Variants in HID1 observed in about 807,000 individuals in gnomAD.
The protein encoded by HID1 is protein HID1.
In HID1, 42 loss-of-function variants were observed where a neutral mutation model predicts 89.7. The observed-to-expected ratio is 0.47, with a 90% CI of 0.37 to 0.61. The LOEUF is 0.61. Among genes scored for constraint, HID1 ranks in the 20% least tolerant of loss-of-function variants. The pLI is 0.00. For missense variants in HID1, 854 were observed against 1,039.3 expected, an observed-to-expected ratio of 0.82 and a Z score of 2.45; for synonymous variants, 442 against 433.8, an observed-to-expected ratio of 1.02 and a Z score of -0.24.
At chr17:74,967,813 C>G (rs1409966824) in intron 1 of HID1, 1 of 151,878 alleles carries the variant, frequency 6.6e-6, no homozygotes, top group East Asian at 1.9e-4. Flanking sequence ...TACCATGGCA[C>G]TTCAGCCTCG....
At position 74,959,801 on chromosome 17, in the gene HID1, G is replaced by A; in HGVS notation, c.1008+80C>T. The A allele has an allele frequency of 4.2e-6, 6 of 1,429,842 alleles. No homozygotes were observed. The highest frequency in any genetic ancestry group is 5.9e-6 in the Non-Finnish European group (6 of 1,017,642). The allele number at this position is 1,429,842 out of a possible 1,614,324, so 88.6% of individuals were successfully genotyped here. ...CCACAGAGAGCATGGTTCCTTCATGGAGGGGTCAGGATCCCCCATATCCCT... is the reference window on the plus strand; with the variant it reads ...CCACAGAGAGCATGGTTCCTTCATGAAGGGGTCAGGATCCCCCATATCCCT... On this transcript the variant is annotated intron_variant, in intron 8 of 18. Transcript: ENST00000425042. This position sits in a 1 kb window ranked among gnomAD's most constrained non-coding sequence, Gnocchi z 4.6.
rs1390937055 is a variant in HID1, at chr17:74,963,733, C to T, written c.387+7G>A. 3.1e-6 allele frequency: 5 copies of T among 1,598,180 alleles called. No homozygotes were observed. Among genetic ancestry groups the T allele is most frequent in the Non-Finnish European group, 2.6e-6 (3 of 1,172,454 alleles). On this transcript the variant is annotated splice_region_variant and intron_variant, in intron 3 of 18. Transcript: ENST00000425042. ...CCTCCCACCCAGCCCTGGCCAGGCC[C>T]ACAGACCCCTCCTCGCCCTGCCCCG...
Position 74,961,885 on chromosome 17 carries a change from G to C in HID1, c.716C>G (p.Ser239Cys), listed in dbSNP as rs2039486832. 1 of 1,576,724 alleles carries C rather than the reference G, an allele frequency of 6.3e-7. No individual in the cohort carries two copies. Among genetic ancestry groups the C allele is most frequent in the Non-Finnish European group, 8.6e-7 (1 of 1,160,920 alleles). The change falls in exon 6 of 19, where the codon TCC becomes TGC. Residue 239 changes from serine (S) to cysteine (C), a missense_variant. By Grantham distance (112) the Ser-to-Cys change is moderately radical (BLOSUM62 -1). Coordinates refer to ENST00000425042, the MANE Select transcript of HID1 (RefSeq NM_030630.3). ...AAGGGCCCTTCACCTGTTCTCCGTG[G>C]AACAAAAGAACTGAACCCATGGGTT... ...STNPWVQFFC[S>C]TENRHALPLF... is the part of the protein sequence containing the mutation.
chr17:74,951,624 G>A lies in HID1; in HGVS notation c.2313C>T (p.Asp771=), dbSNP rs572266449. The A allele has an allele frequency of 6.8e-6, 11 of 1,612,590 alleles. No individual in the cohort carries two copies. The South Asian group carries it at 9.9e-5, about 15-fold the overall frequency. ...CGTCGGTGTCGTACCAGACAGGGGG[G>A]TCCACATTCCTGTGGAGGAAATGGG... ...MWGVIYLRNV[D]PPVWYDTDVK... Residue 771 remains aspartate, a synonymous_variant, in exon 19 of 19, where the codon GAC becomes GAT. Transcript: ENST00000425042.
intron 12 of HID1, chr17:74,957,920 A>T: frequency 3.5e-6 from 2 of 573,206 alleles, no homozygotes; most frequent in Non-Finnish European, 6.2e-6. Flanking sequence ...ATATCTCATT[A>T]GTAATTTTCA....
At position 74,972,581 on chromosome 17, in the gene HID1, C is replaced by A. The variant is rs1419632182; in HGVS notation, c.66+10G>T. The A allele has an allele frequency of 3.9e-6, 6 of 1,546,326 alleles. No homozygotes were observed. Among genetic ancestry groups the A allele is most frequent in the Non-Finnish European group, 5.2e-6 (6 of 1,144,482 alleles). On this transcript the variant is annotated intron_variant, in intron 1 of 18. Transcript: ENST00000425042. The surrounding 1 kb of genome is among the most constrained non-coding windows in gnomAD (Gnocchi z 6.4). ...AGGTGGATGGGGACGCCGGGGCCCC[C>A]GTGGCGCACCTGCGTCTTGGTGGTG...
intron 2 of HID1, 153 bp downstream of exon 2, chr17:74,964,330 G>T: frequency 2.3e-6 from 2 of 860,054 alleles, no homozygotes; most frequent in Non-Finnish European, 3.5e-6. Flanking sequence ...TGGTCCCAAC[G>T]CCCAGCAAAG....
At chr17:74,955,299 G>C (rs7209480) in intron 13 of HID1, among the ~76,000 whole-genome samples, 9,587 of 152,216 alleles carry the variant, frequency 0.063, 1,005 homozygotes, top group African/African-American at 0.22. Context: ...TATCCCAGCA[G>C]TTTGGGAGGC....
At chr17:74,957,986 C>A in intron 12 of HID1, 155 bp downstream of exon 12, 1 of 617,812 alleles carries the variant, frequency 1.6e-6, no homozygotes, top group South Asian at 2.0e-5. Context: ...ATTGTTGTCA[C>A]CCTTTTTTTT....
At chr17:74,963,619 G>GC in intron 3 of HID1, 121 bp downstream of exon 3, 1 of 972,594 alleles carries the variant, frequency 1.0e-6, no homozygotes, top group Non-Finnish European at 1.5e-6. Context: ...GCACCCACTG[G>GC]CCCCACCCCT....
At chr17:74,956,444 G>A (rs2039392063) in intron 12 of HID1, among the ~76,000 whole-genome samples, 1 of 152,206 alleles carries the variant, frequency 6.6e-6, no homozygotes, top group African/African-American at 2.4e-5. Flanking sequence ...CACCCAGACT[G>A]AAGTTCCATG....
rs1242784595 is a variant in HID1 at position 74,953,034 on chromosome 17, C to T, written c.2024G>A (p.Ser675Asn). The T allele has an allele frequency of 1.2e-6, 2 of 1,609,578 alleles. No homozygotes were observed. The highest frequency in any genetic ancestry group is 1.7e-5 in the Admixed American group (1 of 59,632). The stretch of plus-strand genomic sequence containing the variant: ...CTCTGGCGTTGGGCTCCACTGCCCA[C>T]TGGCTGATGAGGTGGACGGTCGCCG... ...EQRRPSTSSA[S>N]GQWSPTPEWV... Residue 675 changes from serine to asparagine, a missense_variant, in exon 16 of 19, where the codon AGT becomes AAT. Physicochemically the swap from Ser to Asn is conservative, Grantham distance 46 (BLOSUM62 1). Transcript: ENST00000425042.
In HID1 at chr17:74,960,264, G is replaced by A. The variant is rs1213786249; in HGVS notation, c.729-16C>T. ...CAGGGCATGTCTGCAGCAGGAGAGG[G>A]ACAAGGCTGCAGAGGCTGCACTGGG... On this transcript the variant is annotated splice_polypyrimidine_tract_variant and intron_variant, in intron 6 of 18. Coordinates refer to ENST00000425042, the MANE Select transcript of HID1 (RefSeq NM_030630.3). The A allele has an allele frequency of 6.3e-7, 1 of 1,597,284 alleles. No individual in the cohort carries two copies. Among genetic ancestry groups the A allele is most frequent in the Non-Finnish European group, 8.5e-7 (1 of 1,174,352 alleles).
chr17:74,959,032 T>C lies in HID1; in HGVS notation c.1028A>G (p.Lys343Arg). ...HREEDFQFIL[K>R]GIARLLSNPL... Reference sequence around the variant, plus strand: ...GTTGGACAGCAGCCGGGCTATACCCTTGAGGATGAACTGGAAGTCCTGGGG... The same window carrying C: ...GTTGGACAGCAGCCGGGCTATACCCCTGAGGATGAACTGGAAGTCCTGGGG... The change falls in exon 9 of 19, where the codon AAG becomes AGG. Residue 343 changes from lysine (K) to arginine (R), a missense_variant. Physicochemically the swap from Lys to Arg is conservative, Grantham distance 26. Coordinates refer to ENST00000425042, the MANE Select transcript of HID1 (RefSeq NM_030630.3). The surrounding 1 kb of genome is among the most constrained non-coding windows in gnomAD (Gnocchi z 4.6). 1 of 1,575,696 alleles carries C rather than the reference T, an allele frequency of 6.3e-7. No individual in the cohort carries two copies. Among genetic ancestry groups the C allele is most frequent in the Non-Finnish European group, 8.6e-7 (1 of 1,166,102 alleles).
intron 13 of HID1, 99 bp from the exon 14 acceptor site, chr17:74,954,464 A>C: frequency 6.5e-7 from 1 of 1,534,906 alleles, no homozygotes; most frequent in Non-Finnish European, 8.7e-7. Flanking sequence ...GGAGGACAGG[A>C]GGGTGTCTGC....
At position 74,972,036 on chromosome 17, in the gene HID1, T is replaced by A. The variant is rs1230976532; in HGVS notation, c.66+555A>T. On this transcript the variant is annotated intron_variant, in intron 1 of 18. Coordinates refer to ENST00000425042, the MANE Select transcript of HID1 (RefSeq NM_030630.3). This position sits in a 1 kb window ranked among gnomAD's most constrained non-coding sequence, Gnocchi z 6.4. ...GGCTGCCTCGCTGCCCGCCACTCTT[T>A]GCGTGTTCCCAGGAAGACCTGGGCC... 1.3e-5 allele frequency among the ~76,000 whole-genome samples: 2 copies of A among 152,164 alleles called. No homozygotes were observed. The highest frequency in any genetic ancestry group is 2.9e-5 in the Non-Finnish European group (2 of 68,004).
intron 1 of HID1, among the ~76,000 whole-genome samples, chr17:74,968,667 C>A (rs2039598675): frequency 6.6e-6 from 1 of 152,192 alleles, no homozygotes; most frequent in Non-Finnish European, 1.5e-5. Context: ...CATGGCACCC[C>A]AGTCTGGGTG....
At chr17:74,969,397 G>C (rs1028803875) in intron 1 of HID1, among the ~76,000 whole-genome samples, 1 of 151,914 alleles carries the variant, frequency 6.6e-6, no homozygotes, top group Non-Finnish European at 1.5e-5. Context: ...CATGTTAGCC[G>C]GGACGGTCTC....
At chr17:74,955,665 T>C in intron 13 of HID1, 127 bp downstream of exon 13, 2 of 763,882 alleles carry the variant, frequency 2.6e-6, no homozygotes, top group Admixed American at 2.7e-5. Flanking sequence ...ACTGAATGAA[T>C]GAACTGGGGG....
Sources: allele counts gnomAD v4.1 joint callset (sites outside exome capture counted in the v4.1 genomes callset), GRCh38; gene constraint gnomAD v4.1.1; non-coding constraint Gnocchi (gnomAD v3.1); transcripts MANE v1.5; gene names NCBI Gene and HGNC (gene_info 2026-07-23, HGNC 2026-07-21).